The following FRRS1L variants were observed in gnomAD, a reference collection of about 807,000 sequenced individuals.
FRRS1L encodes the protein ferric chelate reductase 1 like.
A neutral mutation model predicts 28.6 loss-of-function variants in FRRS1L; 22 were observed. The observed-to-expected ratio is 0.77, with a 90% confidence interval of 0.55 to 1.10. FRRS1L has a LOEUF of 1.10. Among genes scored for constraint, FRRS1L ranks in the 50% least tolerant of loss-of-function variants. The probability of loss-of-function intolerance (pLI) is 0.00; values close to 1 mark genes in which losing one functional copy is unlikely to be tolerated. For synonymous variants in FRRS1L, 158 were observed against 151.4 expected, an observed-to-expected ratio of 1.04 and a Z score of -0.32; for missense variants, 380 against 386.9, an observed-to-expected ratio of 0.98 and a Z score of 0.15.
intron 1 of FRRS1L, among the ~76,000 whole-genome samples, chr9:109,158,825 A>G (rs1238025683): frequency 2.0e-5 from 3 of 152,220 alleles, no homozygotes; most frequent in African/African-American, 7.2e-5. Context: ...TATGTTTCCA[A>G]TTCCCTTGGA....
Position 109,136,633 on chromosome 9 carries a change from G to A in FRRS1L, c.*822C>T, listed in dbSNP as rs370926405. 2.0e-5 allele frequency: 3 copies of A among 152,294 alleles called. No individual in the cohort carries two copies. The highest frequency in any genetic ancestry group is 3.9e-4 in the East Asian group (2 of 5,178). 9.4% of individuals were successfully genotyped at this position (152,294 alleles called of 1,614,324 possible). A position where few individuals can be genotyped will look rare whatever the true frequency, so the allele number is the denominator to read the frequency against. ...CCTCCTGGGTTCCAGCAATTCTCCT[G>A]CCTCAGCCTCCCGAATAGCTGGGAT... is the stretch of plus-strand genomic sequence containing the variant. On this transcript the variant is annotated 3_prime_UTR_variant, in exon 5 of 5. Transcript: ENST00000561981.
intron 1 of FRRS1L, among the ~76,000 whole-genome samples, chr9:109,156,687 A>AT (rs1421006474): frequency 2.4e-5 from 3 of 125,614 alleles, no homozygotes; most frequent in African/African-American, 6.1e-5. Flanking sequence ...CTGCACCTGG[A>AT]TGTTTTTTTT....
intron 1 of FRRS1L, among the ~76,000 whole-genome samples, chr9:109,154,669 C>A (rs1468257212): frequency 6.6e-6 from 1 of 152,156 alleles, no homozygotes; most frequent in Non-Finnish European, 1.5e-5. Context: ...ATTTTTCCAC[C>A]AATCCATCAC....
intron 1 of FRRS1L, among the ~76,000 whole-genome samples, chr9:109,163,616 T>A (rs1184247673): frequency 1.3e-5 from 2 of 152,110 alleles, no homozygotes; most frequent in African/African-American, 4.8e-5. Flanking sequence ...CTGGGTAGGG[T>A]AGGTAATGGT....
chr9:109,132,952 C>T lies in FRRS1L; in HGVS notation c.*4503G>A, dbSNP rs971028036. ...ACCCCTGGAGTAGAGATAAGAATGA[C>T]ACACAACCTCAGTGGTCACGTCTCT... On this transcript the variant is annotated 3_prime_UTR_variant, in exon 5 of 5. Transcript: ENST00000561981. 2.6e-5 allele frequency: 4 copies of T among 152,292 alleles called. No individual in the cohort carries two copies. Among genetic ancestry groups the T allele is most frequent in the African/African-American group, 9.6e-5 (4 of 41,556 alleles). 9.4% of individuals were successfully genotyped at this position (152,292 alleles called of 1,614,324 possible).
At chr9:109,153,194 T>C (rs10979712) in intron 1 of FRRS1L, among the ~76,000 whole-genome samples, 57,615 of 151,964 alleles carry the variant, frequency 0.38, 11,204 homozygotes, top group Middle Eastern at 0.41. Context: ...GAGTTTATGC[T>C]GAGCAACGGG....
At position 109,132,833 on chromosome 9, in the gene FRRS1L, T is replaced by C. The variant is rs990324648; in HGVS notation, c.*4622A>G. 2 of 152,250 alleles carry C rather than the reference T, an allele frequency of 1.3e-5. No individual in the cohort carries two copies. Among genetic ancestry groups the C allele is most frequent in the Non-Finnish European group, 2.9e-5 (2 of 68,044 alleles). 9.4% of individuals were successfully genotyped at this position (152,250 alleles called of 1,614,324 possible). A position where few individuals can be genotyped will look rare whatever the true frequency, so the allele number is the denominator to read the frequency against. On this transcript the variant is annotated 3_prime_UTR_variant, in exon 5 of 5. Transcript: ENST00000561981. ...ATTAAGTTTTATTGGAACATAGCCATGCTCATTCATTTATGTATTGTTTAT... is the reference window on the plus strand; with the variant it reads ...ATTAAGTTTTATTGGAACATAGCCACGCTCATTCATTTATGTATTGTTTAT...
At chr9:109,164,299 C>G (rs1831518530) in intron 1 of FRRS1L, among the ~76,000 whole-genome samples, 1 of 151,746 alleles carries the variant, frequency 6.6e-6, no homozygotes, top group African/African-American at 2.4e-5. Context: ...AGTAAAAGCT[C>G]AGGGTGAGGG....
At chr9:109,161,710 T>G (rs1029406427) in intron 1 of FRRS1L, among the ~76,000 whole-genome samples, 1 of 152,190 alleles carries the variant, frequency 6.6e-6, no homozygotes, top group African/African-American at 2.4e-5. Flanking sequence ...ATTAATGGCT[T>G]GGCTCACAGC....
At chr9:109,145,481 T>C (rs1831246681) in intron 3 of FRRS1L, among the ~76,000 whole-genome samples, 1 of 152,318 alleles carries the variant, frequency 6.6e-6, no homozygotes, top group Middle Eastern at 3.4e-3. Context: ...GCAGATTGCT[T>C]GAGGCCAGGA....
intron 1 of FRRS1L, among the ~76,000 whole-genome samples, chr9:109,160,158 C>T (rs937270001): frequency 5.3e-5 from 8 of 152,058 alleles, no homozygotes; most frequent in South Asian, 4.2e-4. Flanking sequence ...TCACAGTTTT[C>T]GGCCTTTCTT....
At position 109,137,001 on chromosome 9, in the gene FRRS1L, T is replaced by C. The variant is rs566174402; in HGVS notation, c.*454A>G. ...AAGTTCTCCCTAGTAATATTCAAAA[T>C]AACTCTCTGTGCTATAGCACTCATA... On this transcript the variant is annotated 3_prime_UTR_variant, in exon 5 of 5. Coordinates refer to ENST00000561981, the MANE Select transcript of FRRS1L (RefSeq NM_014334.4). The C allele has an allele frequency of 6.6e-6, 1 of 152,394 alleles. No individual in the cohort carries two copies. The highest frequency in any genetic ancestry group is 1.9e-4 in the East Asian group (1 of 5,194). The allele number at this position is 152,394 out of a possible 1,614,324, so 9.4% of individuals were successfully genotyped here.
Position 109,167,048 on chromosome 9 carries a change from CG to C in FRRS1L, c.90del (p.Ala31ArgfsTer97). 8.4e-7 allele frequency: 1 copy of C among 1,193,512 alleles called. No individual in the cohort carries two copies. The highest frequency in any genetic ancestry group is 1.0e-6 in the Non-Finnish European group (1 of 966,442). The allele number at this position is 1,193,512 out of a possible 1,614,324, so 73.9% of individuals were successfully genotyped here. On this transcript the variant is annotated frameshift_variant, in exon 1 of 5. Coordinates refer to ENST00000561981, the MANE Select transcript of FRRS1L (RefSeq NM_014334.4). LOFTEE classifies it high-confidence loss of function. Reference sequence around the variant, plus strand: ...CCCCCCGGGCCCGCACCGTCGTCCGCGGGGCTGGCTGCGCAGGCGGCGGGCC... The same window carrying C: ...CCCCCCGGGCCCGCACCGTCGTCCGCGGGCTGGCTGCGCAGGCGGCGGGCC... ...LTGPAACAAS[P>X]ADDGAGPGGR...
intron 3 of FRRS1L, 78 bp from the exon 4 acceptor site, chr9:109,141,667 C>A: frequency 6.9e-7 from 1 of 1,443,394 alleles, no homozygotes; most frequent in Non-Finnish European, 9.4e-7. Context: ...ATATACATTC[C>A]ATCATCTCTG....
chr9:109,135,097 T>C lies in FRRS1L; in HGVS notation c.*2358A>G, dbSNP rs1831097425. On this transcript the variant is annotated 3_prime_UTR_variant, in exon 5 of 5. Coordinates refer to ENST00000561981, the MANE Select transcript of FRRS1L (RefSeq NM_014334.4). The stretch of plus-strand genomic sequence containing the variant: ...TAACTGTGTTTGTTGATGTTTTCCT[T>C]ATTTTGGTTCAACTCCAGGAGAATG... 1 of 152,190 alleles carries C rather than the reference T, an allele frequency of 6.6e-6. No individual in the cohort carries two copies. Among genetic ancestry groups the C allele is most frequent in the Non-Finnish European group, 1.5e-5 (1 of 68,032 alleles). 9.4% of individuals were successfully genotyped at this position (152,190 alleles called of 1,614,324 possible). A position where few individuals can be genotyped will look rare whatever the true frequency, so the allele number is the denominator to read the frequency against.
chr9:109,141,213 C>A, intron 4 of FRRS1L, 130 bp downstream of exon 4: 1 of 946,162 alleles, frequency 1.1e-6, no homozygotes, highest in Non-Finnish European at 1.6e-6. Flanking sequence ...GTAGGAGTCG[C>A]ATCTCCTTTT....
At chr9:109,166,556 C>A (rs1414805677) in intron 1 of FRRS1L, among the ~76,000 whole-genome samples, 1 of 152,070 alleles carries the variant, frequency 6.6e-6, no homozygotes, top group Non-Finnish European at 1.5e-5. Flanking sequence ...CAACCCCAGG[C>A]GGCAAAGGTG....
Position 109,136,493 on chromosome 9 carries a change from G to A in FRRS1L, c.*962C>T, listed in dbSNP as rs960759114. ...GTTTTCCCATAGCTGCTCTCTAACT[G>A]AGAAGAAATTTCAAATAAATATTAT... is the stretch of plus-strand genomic sequence containing the variant. On this transcript the variant is annotated 3_prime_UTR_variant, in exon 5 of 5. Transcript: ENST00000561981. The A allele has an allele frequency of 1.3e-5, 2 of 151,448 alleles. No individual in the cohort carries two copies. The highest frequency in any genetic ancestry group is 2.9e-5 in the Non-Finnish European group (2 of 67,946). 9.4% of individuals were successfully genotyped at this position (151,448 alleles called of 1,614,324 possible).
intron 3 of FRRS1L, among the ~76,000 whole-genome samples, chr9:109,143,780 T>A (rs1392500174): frequency 1.3e-5 from 2 of 151,980 alleles, no homozygotes; most frequent in Non-Finnish European, 2.9e-5. Flanking sequence ...CTCCCAAAGT[T>A]CTGGGATTGT....
Sources: allele counts gnomAD v4.1 joint callset (sites outside exome capture counted in the v4.1 genomes callset), GRCh38; gene constraint gnomAD v4.1.1; transcripts MANE v1.5; gene names NCBI Gene and HGNC (gene_info 2026-07-23, HGNC 2026-07-21).